Variants in KCTD2 observed in about 807,000 individuals in gnomAD.
KCTD2 encodes potassium channel tetramerization domain containing 2.
A neutral mutation model predicts 27.9 loss-of-function variants in KCTD2; 18 were observed. The ratio of observed to expected loss-of-function variants is 0.64; its 90% CI spans 0.45 to 0.96. The LOEUF (loss-of-function observed/expected upper bound fraction) is 0.96. KCTD2 is among the 40% of genes least tolerant of loss of function. KCTD2 has a pLI of 0.00. For synonymous variants in KCTD2, 175 were observed against 148.4 expected, an observed-to-expected ratio of 1.18 and a Z score of -1.30; for missense variants, 280 against 348.0, an observed-to-expected ratio of 0.80 and a Z score of 1.56.
At chr17:75,060,892 G>T (rs1380203561) in intron 4 of KCTD2, among the ~76,000 whole-genome samples, 1 of 152,202 alleles carries the variant, frequency 6.6e-6, no homozygotes, top group East Asian at 1.9e-4. Context: ...TCTGCCTTCA[G>T]AGCCAGCGGT....
chr17:75,063,172 A>G lies in KCTD2; in HGVS notation c.*125A>G. The G allele has an allele frequency of 1.1e-6, 1 of 934,428 alleles. No individual in the cohort carries two copies. The highest frequency in any genetic ancestry group is 1.6e-5 in the African/African-American group (1 of 61,298). 57.9% of individuals were successfully genotyped at this position (934,428 alleles called of 1,614,324 possible). On this transcript the variant is annotated 3_prime_UTR_variant, in exon 6 of 6. Coordinates refer to ENST00000322444, the MANE Select transcript of KCTD2 (RefSeq NM_015353.3). ...GCACAGCTGATCCTGGCCCCCTGTG[A>G]AGAAGTGTTCTGGTCAAAACTAAAG...
Position 75,060,669 on chromosome 17 carries a change from G to A in KCTD2, c.636+1064G>A, listed in dbSNP as rs578058598. The A allele has an allele frequency of 1.2e-4, 172 of 1,485,516 alleles. 1 individual carries two copies. In the East Asian group the frequency reaches 3.6e-3, roughly 31 times the overall value. The allele number at this position is 1,485,516 out of a possible 1,614,324, so 92.0% of individuals were successfully genotyped here. A position where few individuals can be genotyped will look rare whatever the true frequency, so the allele number is the denominator to read the frequency against. On this transcript the variant is annotated intron_variant, in intron 4 of 5. Transcript: ENST00000322444. Reference sequence around the variant, plus strand: ...GCCCGGCCAGGGAGGGCGCGCGTGCGAGGGCGGGTCAGGCTGCACTCAGGG... The same window carrying A: ...GCCCGGCCAGGGAGGGCGCGCGTGCAAGGGCGGGTCAGGCTGCACTCAGGG...
At chr17:75,060,992 C>T (rs569591657) in intron 4 of KCTD2, among the ~76,000 whole-genome samples, 2 of 152,306 alleles carry the variant, frequency 1.3e-5, no homozygotes, top group South Asian at 2.1e-4. Flanking sequence ...TGTAAAACGT[C>T]GCCAAGAGTT....
rs1305892375 is a variant in KCTD2 at position 75,064,845 on chromosome 17, A to G, written c.*1798A>G. On this transcript the variant is annotated 3_prime_UTR_variant, in exon 6 of 6. Transcript: ENST00000322444. ...CGGGAAGGACTGCTCTGAGCCGGGT[A>G]GGATGGAGGACTTTGGAAGAGGCGC... 6.6e-6 allele frequency: 1 copy of G among 152,232 alleles called. No homozygotes were observed. Among genetic ancestry groups the G allele is most frequent in the Non-Finnish European group, 1.5e-5 (1 of 68,054 alleles). 9.4% of individuals were successfully genotyped at this position (152,232 alleles called of 1,614,324 possible). A position where few individuals can be genotyped will look rare whatever the true frequency, so the allele number is the denominator to read the frequency against.
intron 5 of KCTD2, among the ~76,000 whole-genome samples, 161 bp from the exon 6 acceptor site, chr17:75,062,857 T>A (rs1449524079): frequency 1.3e-5 from 2 of 152,132 alleles, no homozygotes; most frequent in Non-Finnish European, 2.9e-5. Flanking sequence ...AGAGAGTGTT[T>A]CGCACCAGAA....
chr17:75,050,246 C>T (rs979858417), intron 2 of KCTD2, among the ~76,000 whole-genome samples: 1 of 151,928 alleles, frequency 6.6e-6, no homozygotes, highest in Admixed American at 6.6e-5. Context: ...TTTGTAAGTA[C>T]CTAGTAGGTG....
intron 1 of KCTD2, among the ~76,000 whole-genome samples, chr17:75,033,267 G>A (rs959824215): frequency 6.6e-6 from 1 of 151,946 alleles, no homozygotes; most frequent in African/African-American, 2.4e-5. Context: ...GTGAGCCACC[G>A]CACCCGGTCT....
intron 3 of KCTD2, 54 bp downstream of exon 3, chr17:75,053,159 C>A (rs767188491): frequency 1.6e-5 from 22 of 1,400,642 alleles, no homozygotes; most frequent in Non-Finnish European, 2.0e-5. Flanking sequence ...TTCTGTCGGT[C>A]GGTCTGTGAT....
intron 5 of KCTD2, 22 bp from the exon 6 acceptor site, chr17:75,062,996 C>CT (rs1189602775): frequency 1.2e-6 from 2 of 1,613,878 alleles, no homozygotes; most frequent in African/African-American, 2.7e-5. Flanking sequence ...GCCTCAGCCT[C>CT]TCCCCCATCT....
chr17:75,034,448 G>A (rs918262299), intron 2 of KCTD2, among the ~76,000 whole-genome samples: 4 of 152,150 alleles, frequency 2.6e-5, no homozygotes, highest in Non-Finnish European at 4.4e-5. Context: ...GGTGGGACTC[G>A]AACCCACAAT....
chr17:75,064,589 AGTCT>A lies in KCTD2; in HGVS notation c.*1543_*1546del, dbSNP rs67926907. 0.016 allele frequency: 2,510 copies of A among 152,272 alleles called. 35 individuals carry two copies. Among genetic ancestry groups the A allele is most frequent in the Non-Finnish European group, 0.027 (1,835 of 68,052 alleles). The allele number at this position is 152,272 out of a possible 1,614,324, so 9.4% of individuals were successfully genotyped here. On this transcript the variant is annotated 3_prime_UTR_variant, in exon 6 of 6. Coordinates refer to ENST00000322444, the MANE Select transcript of KCTD2 (RefSeq NM_015353.3). ...GGCATAACTTTTCCCTAGGACCCTC[AGTCT>A]CCTTGTTTCTCTGTATCTGTAGCAT...
chr17:75,065,252 A>T lies in KCTD2; in HGVS notation c.*2205A>T, dbSNP rs180771527. 5 of 152,238 alleles carry T rather than the reference A, an allele frequency of 3.3e-5. No homozygotes were observed. The East Asian group carries it at 5.8e-4, about 18-fold the overall frequency. The allele number at this position is 152,238 out of a possible 1,614,324, so 9.4% of individuals were successfully genotyped here. On this transcript the variant is annotated 3_prime_UTR_variant, in exon 6 of 6. Transcript: ENST00000322444. The stretch of plus-strand genomic sequence containing the variant: ...AAGTTTCCCTCCTCGCTGCAACCCA[A>T]TGACACCTGTATTGTTCCAGCGCTC...
chr17:75,060,366 T>C, intron 4 of KCTD2: 4 of 1,369,412 alleles, frequency 2.9e-6, no homozygotes, highest in Non-Finnish European at 4.0e-6. Context: ...GTCCTTGATA[T>C]TTCTATTTCA....
rs1011841895 is a variant in KCTD2 at position 75,062,131 on chromosome 17, C to T, written c.648C>T (p.Ile216=). The change falls in exon 5 of 6, where the codon ATC becomes ATT. Residue 216 remains isoleucine, a synonymous_variant. Coordinates refer to ENST00000322444, the MANE Select transcript of KCTD2 (RefSeq NM_015353.3). ...DGWKFEQLIS[I]GSSYNYGNED... ...TCTTGGTTCATCAGCTCATCAGCAT[C>T]GGATCTTCCTATAACTACGGCAATG... The T allele has an allele frequency of 8.1e-6, 13 of 1,613,880 alleles. No homozygotes were observed. In the African/African-American group the frequency reaches 1.3e-4, roughly 17 times the overall value.
chr17:75,042,529 C>G (rs757685789), upstream of KCTD2: 1 of 1,611,310 alleles, frequency 6.2e-7, no homozygotes, highest in South Asian at 1.1e-5. Context: ...ACATACTGAC[C>G]TGGAGGTGAG....
rs577650238 is a variant in KCTD2, at chr17:75,059,686, A to G, written c.636+81A>G. 4.4e-4 allele frequency: 475 copies of G among 1,080,176 alleles called. 6 individuals are homozygous for G. In the South Asian group the frequency reaches 6.2e-3, roughly 14 times the overall value. The allele number at this position is 1,080,176 out of a possible 1,614,324, so 66.9% of individuals were successfully genotyped here. On this transcript the variant is annotated intron_variant, in intron 4 of 5. Coordinates refer to ENST00000322444, the MANE Select transcript of KCTD2 (RefSeq NM_015353.3). ...TTCAAACAATCAGTGTGGATGGCCA[A>G]TTAATAACCACGGGAGACGGCTACG...
At chr17:75,033,983 T>G (rs534482427) in intron 1 of KCTD2, 4 of 152,218 alleles carry the variant, frequency 2.6e-5, no homozygotes, top group South Asian at 2.1e-4. Flanking sequence ...GGGGTAGAGG[T>G]GAAAGTTCCT....
chr17:75,047,599 G>C lies in KCTD2; in HGVS notation c.339+10G>C. On this transcript the variant is annotated intron_variant, in intron 1 of 5. Transcript: ENST00000322444. Reference sequence around the variant, plus strand: ...GCTGGACTCAGACAAGGTGTGCCCCGCCCTCGGGCGCGCCCCCGGGCCTTC... The same window carrying C: ...GCTGGACTCAGACAAGGTGTGCCCCCCCCTCGGGCGCGCCCCCGGGCCTTC... The C allele has an allele frequency of 1.2e-6, 2 of 1,602,258 alleles. No homozygotes were observed. Among genetic ancestry groups the C allele is most frequent in the Non-Finnish European group, 1.7e-6 (2 of 1,174,970 alleles).
Position 75,054,700 on chromosome 17 carries a change from G to T in KCTD2, c.540+1595G>T, listed in dbSNP as rs568021517. Reference sequence around the variant, plus strand: ...TGGGTGCCTGTAGTCCCAGCTGCTCGGGAGGCTGAAGCAGGAGAATGGTGT... The same window carrying T: ...TGGGTGCCTGTAGTCCCAGCTGCTCTGGAGGCTGAAGCAGGAGAATGGTGT... On this transcript the variant is annotated intron_variant, in intron 3 of 5. Coordinates refer to ENST00000322444, the MANE Select transcript of KCTD2 (RefSeq NM_015353.3). Among the ~76,000 whole-genome samples, 6 of 151,936 alleles carry T rather than the reference G, an allele frequency of 3.9e-5. 1 individual carries two copies. The East Asian group carries it at 1.2e-3, about 29-fold the overall frequency.
Sources: gnomAD v4.1 joint callset for allele counts (sites outside exome capture counted in the v4.1 genomes callset) on GRCh38, gnomAD v4.1.1 for gene constraint, MANE v1.5 for transcripts, NCBI Gene and HGNC (gene_info 2026-07-23, HGNC 2026-07-21) for gene names.